The following CBFB variants were observed in gnomAD, a reference collection of about 807,000 sequenced individuals.
CBFB encodes core-binding factor subunit beta, also known as CBF-beta.
CBFB carries 9 observed loss-of-function variants against 30.4 expected under a neutral mutation model. The ratio of observed to expected loss-of-function variants is 0.30; its 90% CI spans 0.18 to 0.52. The LOEUF is 0.52. CBFB is among the 20% of genes least tolerant of loss of function. The pLI is 0.97. For missense variants in CBFB, 170 were observed against 244.0 expected (o/e 0.70, Z 2.02); for synonymous variants, 94 against 84.0 (o/e 1.12, Z -0.65).
chr16:67,082,266 C>T lies in CBFB; in HGVS notation c.453C>T (p.Arg151=), dbSNP rs78053453. The change falls in exon 5 of 6, where the codon CGC becomes CGT. Residue 151 remains arginine (R), a synonymous_variant. Coordinates refer to ENST00000412916, the MANE Select transcript of CBFB (RefSeq NM_022845.3). The part of the protein sequence containing the change: ...QAFEEARRRT[R]EFEDRDRSHR... ...TTGAAGAGGCTCGGAGAAGGACACG[C>T]GAATTTGAAGATAGAGACAGGTCTC... 0.013 allele frequency: 21,095 copies of T among 1,610,896 alleles called. 1,205 individuals are homozygous for T. The African/African-American group carries it at 0.16, about 12-fold the overall frequency.
At chr16:67,031,660 A>T (rs1225349602) in intron 2 of CBFB, among the ~76,000 whole-genome samples, 1 of 151,858 alleles carries the variant, frequency 6.6e-6, no homozygotes. Flanking sequence ...ACAGGCACAC[A>T]CCACCACGCC....
At chr16:67,052,219 A>G in intron 3 of CBFB, among the ~76,000 whole-genome samples, 1 of 152,060 alleles carries the variant, frequency 6.6e-6, no homozygotes, top group Non-Finnish European at 1.5e-5. Context: ...AAAATTTTAG[A>G]TGTTTTGAGT....
chr16:67,068,248 A>G (rs577316200), intron 4 of CBFB, among the ~76,000 whole-genome samples: 2 of 152,298 alleles, frequency 1.3e-5, no homozygotes, highest in African/African-American at 2.4e-5. Flanking sequence ...GGAGGCCAAG[A>G]TGGCAGGATC....
chr16:67,079,068 T>G (rs190588650), intron 4 of CBFB, among the ~76,000 whole-genome samples: 60 of 152,336 alleles, frequency 3.9e-4, no homozygotes, highest in Non-Finnish European at 7.2e-4. Flanking sequence ...CTGGCTTATA[T>G]TATGTCCTGA....
At chr16:67,045,898 C>T (rs960585264) in intron 3 of CBFB, among the ~76,000 whole-genome samples, 49 of 150,858 alleles carry the variant, frequency 3.2e-4, no homozygotes, top group African/African-American at 9.8e-4. Flanking sequence ...CAGGTTCAAG[C>T]GATTCTCCTG....
rs2145793191 is a variant in CBFB at position 67,100,592 on chromosome 16, G to A, written c.*1814G>A. The A allele has an allele frequency of 4.4e-6, 1 of 225,544 alleles. No individual in the cohort carries two copies. Among genetic ancestry groups the A allele is most frequent in the East Asian group, 6.4e-5 (1 of 15,528 alleles). 14.0% of individuals were successfully genotyped at this position (225,544 alleles called of 1,614,324 possible). On this transcript the variant is annotated 3_prime_UTR_variant, in exon 6 of 6. Transcript: ENST00000412916. Reference sequence around the variant, plus strand: ...AGTGATCCTTACAGTGGTGTTTTATGTTACTTTATTACAGAGCTCCTTGGT... The same window carrying A: ...AGTGATCCTTACAGTGGTGTTTTATATTACTTTATTACAGAGCTCCTTGGT...
At chr16:67,033,860 C>T (rs150563978) in intron 2 of CBFB, among the ~76,000 whole-genome samples, 4,056 of 128,006 alleles carry the variant, frequency 0.032, 67 homozygotes, top group Admixed American at 0.042. Flanking sequence ...CTTGCACTGT[C>T]GGCTAGGCTG....
At chr16:67,085,818 C>T (rs992036414) in intron 5 of CBFB, among the ~76,000 whole-genome samples, 1 of 151,986 alleles carries the variant, frequency 6.6e-6, no homozygotes, top group African/African-American at 2.4e-5. Context: ...GCTGGGACCA[C>T]AGGCGCCCGC....
intron 5 of CBFB, among the ~76,000 whole-genome samples, chr16:67,089,817 T>C (rs908324438): frequency 5.3e-5 from 8 of 152,188 alleles, no homozygotes; most frequent in African/African-American, 1.9e-4. Context: ...CTTATTCTCA[T>C]TGAGCCTCAT....
At chr16:67,044,233 T>A (rs897648710) in intron 3 of CBFB, among the ~76,000 whole-genome samples, 4 of 152,204 alleles carry the variant, frequency 2.6e-5, no homozygotes, top group Middle Eastern at 3.2e-3. Context: ...TACTTTGCGA[T>A]CCCAGTTTAT....
At chr16:67,053,703 G>T (rs904724459) in intron 3 of CBFB, among the ~76,000 whole-genome samples, 2 of 151,936 alleles carry the variant, frequency 1.3e-5, no homozygotes. Flanking sequence ...GAAACCTAGG[G>T]CTCACACTGG....
At chr16:67,065,333 T>C (rs1961022866) in intron 3 of CBFB, among the ~76,000 whole-genome samples, 1 of 152,240 alleles carries the variant, frequency 6.6e-6, no homozygotes, top group African/African-American at 2.4e-5. Context: ...AGTGAACATA[T>C]TTAATTTGTC....
intron 4 of CBFB, among the ~76,000 whole-genome samples, chr16:67,068,422 A>G (rs759449953): frequency 2.0e-4 from 30 of 152,118 alleles, no homozygotes; most frequent in Non-Finnish European, 4.1e-4. Flanking sequence ...TCAAGGCTGC[A>G]GTGAACTATG....
intron 3 of CBFB, among the ~76,000 whole-genome samples, chr16:67,039,952 T>C (rs1473497924): frequency 1.3e-5 from 2 of 152,190 alleles, no homozygotes; most frequent in Non-Finnish European, 2.9e-5. Flanking sequence ...ATTTCTCAGA[T>C]AGAATTTTGT....
In CBFB at chr16:67,079,044, T is replaced by C. The variant is rs140414260; in HGVS notation, c.400-3169T>C. 1.3e-3 allele frequency among the ~76,000 whole-genome samples: 193 copies of C among 152,300 alleles called. 4 individuals are homozygous for C. The East Asian group carries it at 0.027, about 21-fold the overall frequency. On this transcript the variant is annotated intron_variant, in intron 4 of 5. Coordinates refer to ENST00000412916, the MANE Select transcript of CBFB (RefSeq NM_022845.3). Reference sequence around the variant, plus strand: ...CCGTGGGAAATTGGGAACAGCATTCTTTTGCGGCTACCTCTGGCTTATATT... The same window carrying C: ...CCGTGGGAAATTGGGAACAGCATTCCTTTGCGGCTACCTCTGGCTTATATT...
At chr16:67,069,106 C>T (rs1374174267) in intron 4 of CBFB, among the ~76,000 whole-genome samples, 3 of 152,168 alleles carry the variant, frequency 2.0e-5, no homozygotes, top group Non-Finnish European at 2.9e-5. Flanking sequence ...CCCACCTACT[C>T]AGGAGGCTGA....
At chr16:67,041,411 A>T (rs924836052) in intron 3 of CBFB, among the ~76,000 whole-genome samples, 1 of 152,154 alleles carries the variant, frequency 6.6e-6, no homozygotes, top group Non-Finnish European at 1.5e-5. Flanking sequence ...CATATCCTGG[A>T]TGTATTTTGA....
At chr16:67,093,503 A>C (rs1961959871) in intron 5 of CBFB, 1 of 151,618 alleles carries the variant, frequency 6.6e-6, no homozygotes, top group African/African-American at 2.4e-5. Context: ...GGAAAACTCA[A>C]GCTGCTGGTG....
intron 5 of CBFB, among the ~76,000 whole-genome samples, chr16:67,096,628 A>G: frequency 1.3e-5 from 2 of 152,058 alleles, no homozygotes; most frequent in Admixed American, 1.3e-4. Flanking sequence ...ATTTTTTTCT[A>G]ATTTTTATTT....
Sources: gnomAD v4.1 joint callset for allele counts (sites outside exome capture counted in the v4.1 genomes callset) on GRCh38, gnomAD v4.1.1 for gene constraint, MANE v1.5 for transcripts, NCBI Gene and HGNC (gene_info 2026-07-23, HGNC 2026-07-21) for gene names.